The following SLC16A1 variants were observed in gnomAD, a reference collection of about 807,000 sequenced individuals.
SLC16A1 encodes solute carrier family 16 member 1, also known as monocarboxylate transporter 1.
A neutral mutation model predicts 32.2 loss-of-function variants in SLC16A1; 11 were observed. That is an observed-to-expected ratio of 0.34 (90% CI 0.21 to 0.56). The LOEUF is 0.56. Ranked by LOEUF, SLC16A1 falls within the 20% of genes least tolerant of loss-of-function variation. The pLI is 0.87. For synonymous variants in SLC16A1, 231 were observed against 226.8 expected (o/e 1.02, Z -0.17); for missense variants, 435 against 615.0 (o/e 0.71, Z 3.10).
Position 112,917,823 on chromosome 1 carries a change from TGAGGGCTCCAGCAACACA to T in SLC16A1, c.565_582del (p.Cys189_Leu194del). On this transcript the variant is annotated inframe_deletion, in exon 4 of 5. Coordinates refer to ENST00000369626, the MANE Select transcript of SLC16A1 (RefSeq NM_003051.4). This position sits in a 1 kb window ranked among gnomAD's most constrained non-coding sequence, Gnocchi z 4.1. ...GTTGGCTTGGGCCCGATTGGTCGCA[TGAGGGCTCCAGCAACACA>T]GCAGTTTAGTAGCAAGCCCCCAAGA... 6.2e-7 allele frequency: 1 copy of T among 1,614,170 alleles called. No homozygotes were observed. Among genetic ancestry groups the T allele is most frequent in the Non-Finnish European group, 8.5e-7 (1 of 1,180,032 alleles).
intron 1 of SLC16A1, among the ~76,000 whole-genome samples, chr1:112,943,177 T>C (rs1254116538): frequency 1.3e-5 from 2 of 152,200 alleles, no homozygotes; most frequent in Non-Finnish European, 2.9e-5. Flanking sequence ...TTGGGATAAG[T>C]ACCCACATCA....
chr1:112,955,023 G>C (rs1328371476), intron 1 of SLC16A1, among the ~76,000 whole-genome samples: 1 of 152,068 alleles, frequency 6.6e-6, no homozygotes, highest in Non-Finnish European at 1.5e-5. Context: ...ACAAGTTATA[G>C]TAAGTTACAG....
chr1:112,919,305 A>G (rs192344933), intron 3 of SLC16A1, among the ~76,000 whole-genome samples: 419 of 152,210 alleles, frequency 2.8e-3, no homozygotes, highest in African/African-American at 9.7e-3. Flanking sequence ...AAGTGCTGGG[A>G]TTACAGGCGT....
chr1:112,948,474 A>AT (rs200924945), intron 1 of SLC16A1, among the ~76,000 whole-genome samples: 167 of 151,090 alleles, frequency 1.1e-3, no homozygotes, highest in African/African-American at 3.9e-3. Context: ...TATACAATAT[A>AT]TTTTTTTTTA....
chr1:112,918,704 A>G (rs1648606007), intron 3 of SLC16A1, among the ~76,000 whole-genome samples: 1 of 152,180 alleles, frequency 6.6e-6, no homozygotes, highest in Admixed American at 6.5e-5. Flanking sequence ...TTGGGCGGCT[A>G]AAGCTGGAGT....
intron 2 of SLC16A1, chr1:112,924,209 G>T: frequency 1.3e-6 from 2 of 1,516,768 alleles, no homozygotes; most frequent in African/African-American, 2.7e-5. Context: ...CAGTCATCCT[G>T]GGCATGTCCA....
chr1:112,934,251 G>A (rs142576399), intron 1 of SLC16A1, among the ~76,000 whole-genome samples: 2 of 152,206 alleles, frequency 1.3e-5, no homozygotes, highest in South Asian at 2.1e-4. Flanking sequence ...GGAACATTTC[G>A]AATTTTGGAT....
At chr1:112,949,176 A>G (rs1649805145) in intron 1 of SLC16A1, among the ~76,000 whole-genome samples, 1 of 151,956 alleles carries the variant, frequency 6.6e-6, no homozygotes, top group Non-Finnish European at 1.5e-5. Context: ...CAGCCTCCCA[A>G]GTAGCTGGGA....
chr1:112,929,050 GC>G, intron 2 of SLC16A1, 41 bp downstream of exon 2: 2 of 1,412,802 alleles, frequency 1.4e-6, no homozygotes, highest in Non-Finnish European at 2.0e-6. Context: ...CACTCTGGCT[GC>G]TTCATGAAAA....
intron 2 of SLC16A1, 85 bp downstream of exon 2, chr1:112,929,007 C>T (rs1649032234): frequency 8.7e-6 from 7 of 807,614 alleles, no homozygotes; most frequent in Admixed American, 5.3e-5. Flanking sequence ...CTGAATAAGA[C>T]TTTTTTTTTT....
intron 1 of SLC16A1, among the ~76,000 whole-genome samples, chr1:112,951,478 C>A (rs928628811): frequency 6.6e-6 from 1 of 152,112 alleles, no homozygotes; most frequent in African/African-American, 2.4e-5. Flanking sequence ...CAAGAAGCAA[C>A]TGGAAAAGCA....
chr1:112,917,919 G>C lies in SLC16A1; in HGVS notation c.487C>G (p.Pro163Ala). The change falls in exon 4 of 5, where the codon CCC becomes GCC. Residue 163 changes from proline to alanine, a missense_variant. Physicochemically the swap from Pro to Ala is conservative, Grantham distance 27 (BLOSUM62 -1). Transcript: ENST00000369626. This position sits in a 1 kb window ranked among gnomAD's most constrained non-coding sequence, Gnocchi z 4.1. The part of the protein sequence containing the change: ...GSPVFLCTLA[P>A]LNQVFFGIFG... ...ATACCGAAGAAAACCTGATTGAGGG[G>C]GGCCAGAGTACAGAGGAACACAGGG... 1 of 1,605,184 alleles carries C rather than the reference G, an allele frequency of 6.2e-7. No homozygotes were observed. The highest frequency in any genetic ancestry group is 8.5e-7 in the Non-Finnish European group (1 of 1,176,396).
chr1:112,948,145 A>T (rs1327521314), intron 1 of SLC16A1, among the ~76,000 whole-genome samples: 1 of 152,076 alleles, frequency 6.6e-6, no homozygotes, highest in African/African-American at 2.4e-5. Flanking sequence ...GCTTGAACCC[A>T]GGAGGCGGAG....
chr1:112,934,833 T>C (rs1649244917), intron 1 of SLC16A1, among the ~76,000 whole-genome samples: 1 of 152,194 alleles, frequency 6.6e-6, no homozygotes, highest in Admixed American at 6.5e-5. Context: ...ATACACTATA[T>C]TTGATTTTGC....
intron 3 of SLC16A1, among the ~76,000 whole-genome samples, chr1:112,920,488 C>T (rs1648683492): frequency 6.6e-6 from 1 of 152,136 alleles, no homozygotes; most frequent in Admixed American, 6.6e-5. Flanking sequence ...CGCCTGTAAT[C>T]CCGGCTACTT....
At position 112,917,624 on chromosome 1, in the gene SLC16A1, CTG is replaced by C. The variant is rs1648561477; in HGVS notation, c.780_781del (p.His260GlnfsTer25). On this transcript the variant is annotated frameshift_variant, in exon 4 of 5. Transcript: ENST00000369626. LOFTEE classifies it high-confidence loss of function. The surrounding 1 kb of genome is among the most constrained non-coding windows in gnomAD (Gnocchi z 4.1). ...TCCAGAGAGGTATAGCAAAAAGCCT[CTG>C]TGGGTGAATAGGGTTAAGTCCAGGA... 1 of 1,614,116 alleles carries C rather than the reference CTG, an allele frequency of 6.2e-7. No homozygotes were observed. The highest frequency in any genetic ancestry group is 8.5e-7 in the Non-Finnish European group (1 of 1,180,058).
chr1:112,915,561 G>A (rs1225343029), intron 4 of SLC16A1, among the ~76,000 whole-genome samples: 3 of 152,130 alleles, frequency 2.0e-5, no homozygotes, highest in Admixed American at 1.3e-4. Context: ...AAGAAATCTT[G>A]AAGAGTTCTG....
At chr1:112,927,665 T>C (rs1035941976) in intron 2 of SLC16A1, among the ~76,000 whole-genome samples, 1 of 152,240 alleles carries the variant, frequency 6.6e-6, no homozygotes, top group Non-Finnish European at 1.5e-5. Context: ...GTACGGTTTA[T>C]AGGCCTATTA....
intron 3 of SLC16A1, among the ~76,000 whole-genome samples, chr1:112,921,068 G>A (rs1294407341): frequency 6.6e-6 from 1 of 151,626 alleles, no homozygotes; most frequent in Non-Finnish European, 1.5e-5. Context: ...GTGAATCCAG[G>A]AGGCGGAGCT....
Sources: gnomAD v4.1 joint callset for allele counts (sites outside exome capture counted in the v4.1 genomes callset) on GRCh38, gnomAD v4.1.1 for gene constraint, Gnocchi (gnomAD v3.1) non-coding constraint, MANE v1.5 for transcripts, NCBI Gene and HGNC (gene_info 2026-07-23, HGNC 2026-07-21) for gene names.